The following THRB variants were observed in gnomAD, a reference collection of about 807,000 sequenced individuals.
THRB encodes the protein thyroid hormone receptor beta, also known as nuclear receptor subfamily 1 group A member 2.
THRB carries 12 observed loss-of-function variants against 47.8 expected under a neutral mutation model. The observed-to-expected ratio is 0.25, with a 90% CI of 0.16 to 0.41. The LOEUF (loss-of-function observed/expected upper bound fraction) is 0.41. THRB is among the 10% of genes least tolerant of loss of function. THRB has a pLI of 1.00. For synonymous variants in THRB, 218 were observed against 212.2 expected (o/e 1.03, Z -0.24); for missense variants, 348 against 589.2 (o/e 0.59, Z 4.24).
At chr3:24,326,851 A>G (rs1238880195) in intron 2 of THRB, among the ~76,000 whole-genome samples, 1 of 134,752 alleles carries the variant, frequency 7.4e-6, no homozygotes, top group Admixed American at 8.5e-5. Context: ...TTCAACCTCT[A>G]CCTCCTGGGT....
intron 5 of THRB, among the ~76,000 whole-genome samples, chr3:24,179,617 T>A (rs762646724): frequency 7.2e-5 from 11 of 152,222 alleles, no homozygotes; most frequent in Non-Finnish European, 1.2e-4. Context: ...TACAATTTAC[T>A]CAACCTTGAA....
At chr3:24,344,506 A>G (rs188708826) in intron 1 of THRB, among the ~76,000 whole-genome samples, 1 of 152,132 alleles carries the variant, frequency 6.6e-6, no homozygotes, top group Non-Finnish European at 1.5e-5. Context: ...ATTCTGACGT[A>G]TGACCTGTTC....
intron 1 of THRB, among the ~76,000 whole-genome samples, chr3:24,354,242 G>A (rs929768472): frequency 1.3e-5 from 2 of 152,084 alleles, no homozygotes; most frequent in Admixed American, 1.3e-4. Context: ...ATAGGAGGAG[G>A]GAGAGGATCA....
At chr3:24,455,040 T>G (rs542721673) in intron 1 of THRB, 10 of 151,674 alleles carry the variant, frequency 6.6e-5, no homozygotes, top group African/African-American at 2.2e-4. Context: ...TTTATTGCAG[T>G]CATTCCCTCA....
chr3:24,231,215 G>A (rs2048229308), intron 3 of THRB, among the ~76,000 whole-genome samples: 1 of 152,170 alleles, frequency 6.6e-6, no homozygotes, highest in Non-Finnish European at 1.5e-5. Context: ...TAATACAAAT[G>A]TGTCAGCATA....
intron 3 of THRB, among the ~76,000 whole-genome samples, chr3:24,280,066 T>C (rs1559813413): frequency 6.6e-6 from 1 of 152,190 alleles, no homozygotes. Context: ...AAGATAATTA[T>C]TTATTATCTT....
chr3:24,458,601 T>A (rs2073403900), intron 1 of THRB: 1 of 152,180 alleles, frequency 6.6e-6, no homozygotes, highest in South Asian at 2.1e-4. Context: ...CCAAACATTT[T>A]ATAAATGGTA....
chr3:24,190,247 A>C lies in THRB; in HGVS notation c.110T>G (p.Leu37Arg). 6.2e-7 allele frequency: 1 copy of C among 1,614,048 alleles called. No homozygotes were observed. Among genetic ancestry groups the C allele is most frequent in the Non-Finnish European group, 8.5e-7 (1 of 1,179,948 alleles). The change falls in exon 5 of 11, where the codon CTA (leucine) becomes CGA (arginine). Residue 37 changes from leucine (L) to arginine (R), a missense_variant. Around this residue, in one of 5 missense-constraint regions of THRB, gnomAD observed 148 missense variants for 122.3 expected, o/e 1.21. Transcript: ENST00000646209. ...WKLVGMSEAC[L>R]HRKSHSERRS... is the part of the protein sequence containing the mutation. ...CCTCTCTGAATGGCTCTTCCTATGT[A>C]GGCAGGCTTCAGACATTCCTACTAG...
At chr3:24,168,801 G>A (rs1421204096) in intron 5 of THRB, among the ~76,000 whole-genome samples, 1 of 151,532 alleles carries the variant, frequency 6.6e-6, no homozygotes, top group Non-Finnish European at 1.5e-5. Flanking sequence ...CAGTCAAGCA[G>A]AGGAGGCAGC....
chr3:24,125,389 C>G, intron 10 of THRB, among the ~76,000 whole-genome samples: 1 of 152,202 alleles, frequency 6.6e-6, no homozygotes, highest in Non-Finnish European at 1.5e-5. Flanking sequence ...AGAAAACCGT[C>G]AGAGAAACAG....
intron 4 of THRB, among the ~76,000 whole-genome samples, chr3:24,228,269 C>T (rs935007330): frequency 2.0e-5 from 3 of 152,186 alleles, no homozygotes; most frequent in Non-Finnish European, 4.4e-5. Context: ...TGTGCTATTG[C>T]AACCTTGTAT....
At chr3:24,467,336 C>T (rs1000972082) in intron 1 of THRB, among the ~76,000 whole-genome samples, 1 of 152,206 alleles carries the variant, frequency 6.6e-6, no homozygotes, top group African/African-American at 2.4e-5. Flanking sequence ...GAATCAACTT[C>T]TTCCAAACTC....
intron 1 of THRB, among the ~76,000 whole-genome samples, chr3:24,425,466 C>T (rs1276792699): frequency 2.0e-5 from 3 of 151,690 alleles, no homozygotes; most frequent in African/African-American, 4.8e-5. Context: ...ATTGTAAATG[C>T]TCCTTATATA....
At chr3:24,375,010 A>G (rs2065167911) in intron 1 of THRB, among the ~76,000 whole-genome samples, 1 of 152,074 alleles carries the variant, frequency 6.6e-6, no homozygotes, top group African/African-American at 2.4e-5. Flanking sequence ...ATAAACCTGG[A>G]TTATAAAACT....
At chr3:24,191,764 G>A (rs2043375467) in intron 4 of THRB, among the ~76,000 whole-genome samples, 1 of 152,182 alleles carries the variant, frequency 6.6e-6, no homozygotes, top group Non-Finnish European at 1.5e-5. Context: ...AAATGCCAAT[G>A]CCCATGCACA....
intron 1 of THRB, among the ~76,000 whole-genome samples, chr3:24,489,618 A>G (rs929031948): frequency 2.6e-5 from 4 of 152,216 alleles, no homozygotes; most frequent in Non-Finnish European, 5.9e-5. Flanking sequence ...AGTTCACAGC[A>G]GAACTCAGTT....
At chr3:24,292,026 G>A (rs1206702629) in intron 3 of THRB, among the ~76,000 whole-genome samples, 1 of 152,060 alleles carries the variant, frequency 6.6e-6, no homozygotes, top group African/African-American at 2.4e-5. Context: ...ATCATTCAAT[G>A]GACTAATATG....
chr3:24,206,601 G>A lies in THRB; in HGVS notation c.23-16267C>T, dbSNP rs1458807584. On this transcript the variant is annotated intron_variant, in intron 4 of 10. Transcript: ENST00000646209. Reference sequence around the variant, plus strand: ...ATCACAATTAAAAGAACTAGGAGAAGCAAGAGCAGACACATTGAAAAGCTA... The same window carrying A: ...ATCACAATTAAAAGAACTAGGAGAAACAAGAGCAGACACATTGAAAAGCTA... 2.6e-5 allele frequency among the ~76,000 whole-genome samples: 4 copies of A among 152,266 alleles called. No individual in the cohort carries two copies. In the East Asian group the frequency reaches 7.7e-4, roughly 29 times the overall value.
At chr3:24,262,547 C>T (rs2052177349) in intron 3 of THRB, among the ~76,000 whole-genome samples, 1 of 152,202 alleles carries the variant, frequency 6.6e-6, no homozygotes, top group Admixed American at 6.5e-5. Context: ...TGAACTCCTT[C>T]TGTTCCTCAA....
Sources: gnomAD v4.1 joint callset for allele counts (sites outside exome capture counted in the v4.1 genomes callset) on GRCh38, gnomAD v4.1.1 for gene constraint, gnomAD v4.1.1 regional missense constraint, MANE v1.5 for transcripts, NCBI Gene and HGNC (gene_info 2026-07-23, HGNC 2026-07-21) for gene names.